DIAPH2: variants seen among roughly 807,000 people sequenced by gnomAD.
The protein encoded by DIAPH2 is diaphanous related formin 2.
DIAPH2 carries 35 observed loss-of-function variants against 92.7 expected under a neutral mutation model. That is an observed-to-expected ratio of 0.38 (90% CI 0.29 to 0.50). DIAPH2 has a LOEUF of 0.50. Among genes scored for constraint, DIAPH2 ranks in the 20% least tolerant of loss-of-function variants. The pLI is 0.94. For missense variants in DIAPH2, 701 were observed against 819.5 expected (o/e 0.86, Z 1.77); for synonymous variants, 301 against 280.4 (o/e 1.07, Z -0.73).
chrX:97,372,178 CAT>C (rs1426897423), intron 24 of DIAPH2, among the ~76,000 whole-genome samples: 3 of 112,370 alleles, frequency 2.7e-5, no homozygotes, highest in Admixed American at 9.4e-5. Flanking sequence ...CTTCAGATCA[CAT>C]GTTTCTGCAG....
intron 23 of DIAPH2, among the ~76,000 whole-genome samples, chrX:97,271,842 CACACAT>C (rs1246461563): frequency 1.9e-5 from 2 of 108,032 alleles, no homozygotes. Flanking sequence ...CACACACACA[CACACAT>C]GCGTACAGAC....
intron 4 of DIAPH2, among the ~76,000 whole-genome samples, chrX:96,878,811 T>C (rs895937803): frequency 2.7e-5 from 3 of 112,108 alleles, no homozygotes; most frequent in African/African-American, 9.7e-5. Context: ...ATAAAATACC[T>C]CTGAGCTGTC....
At position 96,708,685 on chromosome X, in the gene DIAPH2, A is replaced by G. The variant is rs140818319; in HGVS notation, c.132+23495A>G. 2.1e-3 allele frequency among the ~76,000 whole-genome samples: 232 copies of G among 112,774 alleles called. 3 individuals carry two copies. The highest frequency in any genetic ancestry group is 7.0e-3 in the African/African-American group (218 of 31,066). On this transcript the variant is annotated intron_variant, in intron 1 of 26. Coordinates refer to ENST00000324765, the MANE Select transcript of DIAPH2 (RefSeq NM_006729.5). ...CTTTATTGTGATTTAAAAAATGATTATTAACATCCATTAATTGCTTGGTGA... is the reference window on the plus strand; with the variant it reads ...CTTTATTGTGATTTAAAAAATGATTGTTAACATCCATTAATTGCTTGGTGA...
chrX:97,060,988 G>A (rs902909528), intron 17 of DIAPH2, among the ~76,000 whole-genome samples: 4 of 80,277 alleles, frequency 5.0e-5, no homozygotes, highest in African/African-American at 9.8e-5. Flanking sequence ...AAACGCACAC[G>A]TGCGCATGCA....
At chrX:96,886,383 A>G (rs2065262157) in intron 5 of DIAPH2, among the ~76,000 whole-genome samples, 1 of 110,269 alleles carries the variant, frequency 9.1e-6, no homozygotes, top group Admixed American at 9.7e-5. Context: ...AATCATGAAA[A>G]CTGCAACAAA....
At chrX:97,284,624 AAAC>A (rs2068525445) in intron 23 of DIAPH2, among the ~76,000 whole-genome samples, 1 of 110,017 alleles carries the variant, frequency 9.1e-6, no homozygotes, top group African/African-American at 3.3e-5. Context: ...AAAAAAAAAA[AAAC>A]AAAGAGTTAC....
At chrX:97,061,295 C>T (rs1388696118) in intron 17 of DIAPH2, among the ~76,000 whole-genome samples, 1 of 111,844 alleles carries the variant, frequency 8.9e-6, no homozygotes, top group East Asian at 2.8e-4. Context: ...ACATGGTGTC[C>T]AAAAGCAATG....
intron 25 of DIAPH2, among the ~76,000 whole-genome samples, chrX:97,422,873 T>C (rs1312164813): frequency 8.9e-6 from 1 of 112,244 alleles, no homozygotes; most frequent in Non-Finnish European, 1.9e-5. Flanking sequence ...CCTACTTGCA[T>C]GCCAACAAGT....
chrX:96,900,039 C>T (rs182112098), intron 5 of DIAPH2, among the ~76,000 whole-genome samples: 271 of 111,563 alleles, frequency 2.4e-3, no homozygotes, highest in African/African-American at 8.3e-3. Flanking sequence ...TATTGACTTG[C>T]GTATATTGAA....
intron 20 of DIAPH2, among the ~76,000 whole-genome samples, chrX:97,114,161 G>A (rs746204540): frequency 8.9e-6 from 1 of 111,777 alleles, no homozygotes; most frequent in Admixed American, 9.5e-5. Flanking sequence ...TGTCAAGTAG[G>A]TGAAATTCTT....
chrX:96,869,783 T>C (rs1602580826), intron 4 of DIAPH2, among the ~76,000 whole-genome samples: 1 of 110,867 alleles, frequency 9.0e-6, no homozygotes, highest in African/African-American at 3.3e-5. Context: ...CAAACATTAG[T>C]TAAGTGCTTA....
intron 22 of DIAPH2, among the ~76,000 whole-genome samples, chrX:97,228,813 G>A (rs945904648): frequency 3.6e-5 from 4 of 112,236 alleles, no homozygotes; most frequent in African/African-American, 1.3e-4. Context: ...TGTATGTCAT[G>A]CTAAAAATGT....
At chrX:97,233,457 GTGTT>G (rs1432993699) in intron 22 of DIAPH2, among the ~76,000 whole-genome samples, 2 of 112,288 alleles carry the variant, frequency 1.8e-5, no homozygotes, top group African/African-American at 6.5e-5. Context: ...GCATGTGTGT[GTGTT>G]TGTGTGTCTG....
chrX:97,311,295 T>A (rs185074227), intron 23 of DIAPH2, among the ~76,000 whole-genome samples: 17 of 111,715 alleles, frequency 1.5e-4, no homozygotes, highest in African/African-American at 5.5e-4. Flanking sequence ...GCCGAATACC[T>A]AGATATGATG....
chrX:96,831,253 C>G (rs233692), intron 4 of DIAPH2, among the ~76,000 whole-genome samples: 1 of 110,565 alleles, frequency 9.0e-6, no homozygotes, highest in Non-Finnish European at 1.9e-5. Context: ...TACAAAGTAG[C>G]TCCCATTTCC....
chrX:97,464,235 C>T (rs947488140), intron 26 of DIAPH2, among the ~76,000 whole-genome samples: 15 of 92,133 alleles, frequency 1.6e-4, no homozygotes, highest in South Asian at 1.2e-3. Flanking sequence ...GAGGCCGAGG[C>T]GGGCAGATCA....
chrX:96,893,234 G>A (rs748276466), intron 5 of DIAPH2, among the ~76,000 whole-genome samples: 26 of 111,642 alleles, frequency 2.3e-4, no homozygotes, highest in Admixed American at 2.2e-3. Context: ...AATGAGGAAA[G>A]GAGGTGGAAC....
chrX:96,878,080 A>G (rs2065191176), intron 4 of DIAPH2, among the ~76,000 whole-genome samples: 1 of 112,030 alleles, frequency 8.9e-6, no homozygotes. Context: ...TCAGAACAGG[A>G]TGTTAATAAG....
intron 17 of DIAPH2, among the ~76,000 whole-genome samples, chrX:97,003,130 CT>C (rs376526447): frequency 0.015 from 1,498 of 102,579 alleles, 19 homozygotes; most frequent in African/African-American, 0.044. Context: ...GGATCACATT[CT>C]TTTTTTTTTT....
Sources: allele counts gnomAD v4.1 joint callset (sites outside exome capture counted in the v4.1 genomes callset), GRCh38; gene constraint gnomAD v4.1.1; transcripts MANE v1.5; gene names NCBI Gene and HGNC (gene_info 2026-07-23, HGNC 2026-07-21).